Variants in COL6A1 observed in about 807,000 individuals in gnomAD.
The protein encoded by COL6A1 is collagen type VI alpha 1 chain.
COL6A1 carries 80 observed loss-of-function variants against 145.6 expected under a neutral mutation model. The ratio of observed to expected loss-of-function variants is 0.55; its 90% CI spans 0.46 to 0.66. The LOEUF (loss-of-function observed/expected upper bound fraction) is 0.66, where lower values mean the gene tolerates loss of function less well. Ranked by LOEUF, COL6A1 falls within the 30% of genes least tolerant of loss-of-function variation. COL6A1 has a pLI of 0.00. For synonymous variants in COL6A1, 638 were observed against 622.8 expected (o/e 1.02, Z -0.36); for missense variants, 1,364 against 1,473.8 (o/e 0.93, Z 1.22).
At chr21:45,985,522 CA>C (rs1448265885) in intron 3 of COL6A1, among the ~76,000 whole-genome samples, 5 of 152,224 alleles carry the variant, frequency 3.3e-5, no homozygotes, top group Non-Finnish European at 5.9e-5. Context: ...ACAGACTCAT[CA>C]GACCCGAAGC....
chr21:46,004,388 C>G lies in COL6A1; in HGVS notation c.*375C>G. On this transcript the variant is annotated 3_prime_UTR_variant, in exon 35 of 35. Coordinates refer to ENST00000361866, the MANE Select transcript of COL6A1 (RefSeq NM_001848.3). Reference sequence around the variant, plus strand: ...CCTGCCCTGCCCTCCTGCCCGCCCTCCCTCCTGCCTGCGCAGCTCCTTCCC... The same window carrying G: ...CCTGCCCTGCCCTCCTGCCCGCCCTGCCTCCTGCCTGCGCAGCTCCTTCCC... The G allele has an allele frequency of 2.7e-6, 1 of 373,486 alleles. No individual in the cohort carries two copies. The highest frequency in any genetic ancestry group is 5.0e-6 in the Non-Finnish European group (1 of 198,378). 23.1% of individuals were successfully genotyped at this position (373,486 alleles called of 1,614,324 possible). A position where few individuals can be genotyped will look rare whatever the true frequency, so the allele number is the denominator to read the frequency against.
At position 45,987,405 on chromosome 21, in the gene COL6A1, G is replaced by A. The variant is rs184225117; in HGVS notation, c.739-94G>A. ...CGCCTGTGCGTCCATCCGTGTGTCC[G>A]TCTGCCCATGTGCCTGGGTCGCATG... is the stretch of plus-strand genomic sequence containing the variant. On this transcript the variant is annotated intron_variant, in intron 6 of 34. Coordinates refer to ENST00000361866, the MANE Select transcript of COL6A1 (RefSeq NM_001848.3). 3.5e-4 allele frequency: 544 copies of A among 1,570,110 alleles called. 3 individuals are homozygous for A. In the African/African-American group the frequency reaches 5.7e-3, roughly 16 times the overall value.
intron 26 of COL6A1, chr21:45,999,447 C>T: frequency 1.3e-6 from 1 of 743,530 alleles, no homozygotes; most frequent in South Asian, 1.7e-5. Flanking sequence ...CAGGGTGGGG[C>T]CCACCTGGGA....
intron 2 of COL6A1, 128 bp downstream of exon 2, chr21:45,982,891 G>C: frequency 1.4e-6 from 2 of 1,394,640 alleles, no homozygotes; most frequent in African/African-American, 2.8e-5. Flanking sequence ...GCCCTGACCG[G>C]GGCCCCTCCC....
rs1064797287 is a variant in COL6A1, at chr21:45,987,175, G to A, written c.738G>A (p.Val246=). The part of the protein sequence containing the change: ...VDMIKNNVEQ[V]CCSFECQPAR... ...TCCAGAAAAATAACGTGGAGCAAGT[G>A]GTAAGAGCCCTCCCCACCACCCCCA... is the stretch of plus-strand genomic sequence containing the variant. The change falls in exon 6 of 35, where the codon GTG becomes GTA. Residue 246 remains valine (V), a splice_region_variant and synonymous_variant. Coordinates refer to ENST00000361866, the MANE Select transcript of COL6A1 (RefSeq NM_001848.3). 6.3e-7 allele frequency: 1 copy of A among 1,596,684 alleles called. No individual in the cohort carries two copies. Among genetic ancestry groups the A allele is most frequent in the Non-Finnish European group, 8.5e-7 (1 of 1,177,208 alleles).
At chr21:45,999,754 T>C (rs2077827649) in intron 27 of COL6A1, 62 bp downstream of exon 27, 34 of 1,358,032 alleles carry the variant, frequency 2.5e-5, no homozygotes, top group Non-Finnish European at 3.4e-5. Flanking sequence ...CCTTGGGGTG[T>C]GGGTCCTGTC....
Position 45,992,544 on chromosome 21 carries a change from T to C in COL6A1, c.1272+146T>C, listed in dbSNP as rs942422713. ...GGTTTCTTCACCCACACGTCCAGGATGCCTCTTCCCACAGTCTCAGAGCGG... is the reference window on the plus strand; with the variant it reads ...GGTTTCTTCACCCACACGTCCAGGACGCCTCTTCCCACAGTCTCAGAGCGG... On this transcript the variant is annotated intron_variant, in intron 18 of 34. Transcript: ENST00000361866. 1.5e-5 allele frequency: 17 copies of C among 1,133,870 alleles called. No individual in the cohort carries two copies. In the African/African-American group the frequency reaches 2.0e-4, roughly 13 times the overall value. The allele number at this position is 1,133,870 out of a possible 1,614,324, so 70.2% of individuals were successfully genotyped here. A position where few individuals can be genotyped will look rare whatever the true frequency, so the allele number is the denominator to read the frequency against.
Position 45,987,060 on chromosome 21 carries a change from C to T in COL6A1, c.705C>T (p.Ile235=), listed in dbSNP as rs536786554. ...CCATCAGCCAGACCATCGACACCAT[C>T]GTGGACATGATCGTGAGGCCCCTGC... The part of the protein sequence containing the change: ...EEAISQTIDT[I]VDMIKNNVEQ... The change falls in exon 5 of 35, where the codon ATC becomes ATT. Residue 235 remains isoleucine (I), a synonymous_variant. Transcript: ENST00000361866. 110 of 1,555,496 alleles carry T rather than the reference C, an allele frequency of 7.1e-5. No homozygotes were observed. In the East Asian group the frequency reaches 8.0e-4, roughly 11 times the overall value.
rs200974842 is a variant in COL6A1 at position 45,992,147 on chromosome 21, A to G, written c.1183-17A>G. 3.1e-6 allele frequency: 5 copies of G among 1,613,412 alleles called. No homozygotes were observed. In the African/African-American group the frequency reaches 6.7e-5, roughly 22 times the overall value. On this transcript the variant is annotated splice_polypyrimidine_tract_variant and intron_variant, in intron 16 of 34. Transcript: ENST00000361866. Reference sequence around the variant, plus strand: ...GTCAAGGAGATGGAGCGACCATTCAACCCTTGTTCCCCACAGGGCCAGCCG... The same window carrying G: ...GTCAAGGAGATGGAGCGACCATTCAGCCCTTGTTCCCCACAGGGCCAGCCG...
rs758296962 is a variant in COL6A1, at chr21:46,001,250, C to T, written c.1823-3C>T. ...GCTCTGCTGACACCGCCCCCGCCTG[C>T]AGAATGCAAGTGCGGCCCCATCGAC... On this transcript the variant is annotated splice_region_variant and splice_polypyrimidine_tract_variant and intron_variant, in intron 29 of 34. Transcript: ENST00000361866. The T allele has an allele frequency of 1.2e-6, 2 of 1,605,672 alleles. No individual in the cohort carries two copies. Among genetic ancestry groups the T allele is most frequent in the Non-Finnish European group, 8.5e-7 (1 of 1,178,758 alleles).
Position 45,998,399 on chromosome 21 carries a change from G to C in COL6A1, c.1577G>C (p.Gly526Ala). Residue 526 changes from glycine (G) to alanine (A), a missense_variant and splice_region_variant, in exon 24 of 35, where the codon GGG (glycine) becomes GCG (alanine). Transcript: ENST00000361866. ...NGTEGFPGFP[G>A]YPGNRGAPGI... ...CACTGCCCTGCTTTTCCATGACAGGGGTATCCGGGCAACAGGGGCGCTCCC... is the reference window on the plus strand; with the variant it reads ...CACTGCCCTGCTTTTCCATGACAGGCGTATCCGGGCAACAGGGGCGCTCCC... 1 of 1,613,214 alleles carries C rather than the reference G, an allele frequency of 6.2e-7. No individual in the cohort carries two copies. The highest frequency in any genetic ancestry group is 8.5e-7 in the Non-Finnish European group (1 of 1,179,982).
intron 1 of COL6A1, 50 bp from the exon 2 acceptor site, chr21:45,982,584 C>T (rs1474959333): frequency 1.9e-6 from 3 of 1,611,254 alleles, no homozygotes; most frequent in Non-Finnish European, 2.5e-6. Flanking sequence ...AGCAGAGACT[C>T]GGGGAATGGG....
At chr21:45,996,700 G>A (rs1197940901) in intron 20 of COL6A1, among the ~76,000 whole-genome samples, 1 of 152,118 alleles carries the variant, frequency 6.6e-6, no homozygotes, top group Non-Finnish European at 1.5e-5. Context: ...AGCTGGGCGC[G>A]CTGGGAAGTG....
In COL6A1 at chr21:45,997,789, G is replaced by T. The variant is rs746631745; in HGVS notation, c.1524+27G>T. On this transcript the variant is annotated intron_variant, in intron 22 of 34. Transcript: ENST00000361866. ...TGAGTGTCCAACAGCTCGGGCCCTA[G>T]GGCGGAGGCCTGGCCGCCAGAGGCC... 11 of 1,564,954 alleles carry T rather than the reference G, an allele frequency of 7.0e-6. No homozygotes were observed. In the East Asian group the frequency reaches 2.4e-4, roughly 34 times the overall value.
chr21:45,981,800 G>T lies in COL6A1; in HGVS notation c.-51G>T. The T allele has an allele frequency of 7.1e-7, 1 of 1,411,404 alleles. No individual in the cohort carries two copies. Among genetic ancestry groups the T allele is most frequent in the Non-Finnish European group, 9.7e-7 (1 of 1,035,602 alleles). 87.4% of individuals were successfully genotyped at this position (1,411,404 alleles called of 1,614,324 possible). ...GCAGCCTCGGTCTCTGGGCGGCGGC[G>T]GCGGCCCACTCTGCCCTGGCCGCGC... is the stretch of plus-strand genomic sequence containing the variant. On this transcript the variant is annotated 5_prime_UTR_variant, in exon 1 of 35. Coordinates refer to ENST00000361866, the MANE Select transcript of COL6A1 (RefSeq NM_001848.3).
chr21:46,001,118 C>A, intron 29 of COL6A1, 135 bp from the exon 30 acceptor site: 1 of 1,287,148 alleles, frequency 7.8e-7, no homozygotes. Context: ...GTGGGCTTTT[C>A]TGGGGCTGAG....
intron 33 of COL6A1, among the ~76,000 whole-genome samples, 195 bp from the exon 34 acceptor site, chr21:46,002,925 C>T (rs2077857092): frequency 6.7e-6 from 1 of 150,068 alleles, no homozygotes. Context: ...CTCACTGTTA[C>T]CTCCAGGGGC....
chr21:45,990,489 GAGT>G, intron 13 of COL6A1, 67 bp downstream of exon 13: 8 of 1,081,380 alleles, frequency 7.4e-6, no homozygotes, highest in Non-Finnish European at 8.4e-6. Context: ...GGGAGGGACG[GAGT>G]GGACGGCGTG....
At chr21:45,990,187 G>A in intron 11 of COL6A1, 71 bp from the exon 12 acceptor site, 1 of 1,589,684 alleles carries the variant, frequency 6.3e-7, no homozygotes, top group Admixed American at 1.7e-5. Context: ...TGCCTCGCGT[G>A]GGCCTAAGCC....
Sources: allele counts gnomAD v4.1 joint callset (sites outside exome capture counted in the v4.1 genomes callset), GRCh38; gene constraint gnomAD v4.1.1; transcripts MANE v1.5; gene names NCBI Gene and HGNC (gene_info 2026-07-23, HGNC 2026-07-21).